Variants in KATNAL1 observed in about 807,000 individuals in gnomAD.
KATNAL1 encodes katanin p60 ATPase-containing subunit A-like 1.
A neutral mutation model predicts 55.2 loss-of-function variants in KATNAL1; 32 were observed. That is an observed-to-expected ratio of 0.58 (90% confidence interval 0.44 to 0.78). The LOEUF (loss-of-function observed/expected upper bound fraction) is 0.78, where lower values mean the gene tolerates loss of function less well. KATNAL1 is among the 30% of genes least tolerant of loss of function. The probability of loss-of-function intolerance (pLI) is 0.00; values close to 1 mark genes in which losing one functional copy is unlikely to be tolerated. For missense variants in KATNAL1, 466 were observed against 600.9 expected, an observed-to-expected ratio of 0.78 and a Z score of 2.35; for synonymous variants, 193 against 193.6, an observed-to-expected ratio of 1.00 and a Z score of 0.02.
At chr13:30,227,192 C>T (rs1250978812) in intron 9 of KATNAL1, among the ~76,000 whole-genome samples, 1 of 152,148 alleles carries the variant, frequency 6.6e-6, no homozygotes, top group Admixed American at 6.5e-5. Context: ...CTTAAAAGTG[C>T]TACCATATTT....
At chr13:30,236,454 A>T (rs532000100) in intron 6 of KATNAL1, among the ~76,000 whole-genome samples, 1 of 152,300 alleles carries the variant, frequency 6.6e-6, no homozygotes, top group African/African-American at 2.4e-5. Flanking sequence ...CCCTGTAAAC[A>T]ATCAGTCACT....
At position 30,207,814 on chromosome 13, in the gene KATNAL1, C is replaced by T. The variant is rs1481224770; in HGVS notation, c.*726G>A. On this transcript the variant is annotated 3_prime_UTR_variant, in exon 11 of 11. Coordinates refer to ENST00000380615, the MANE Select transcript of KATNAL1 (RefSeq NM_032116.5). The stretch of plus-strand genomic sequence containing the variant: ...CTTGGAAGTCTAGAATGAAGAATTA[C>T]ATCTAATGCAGTAATATTCTTCCCA... 1 of 152,202 alleles carries T rather than the reference C, an allele frequency of 6.6e-6. No homozygotes were observed. The highest frequency in any genetic ancestry group is 2.4e-5 in the African/African-American group (1 of 41,448). 9.4% of individuals were successfully genotyped at this position (152,202 alleles called of 1,614,324 possible).
chr13:30,265,628 T>G (rs1879701579), intron 3 of KATNAL1, among the ~76,000 whole-genome samples: 2 of 152,014 alleles, frequency 1.3e-5, no homozygotes, highest in Non-Finnish European at 2.9e-5. Context: ...AGTTTTTCCT[T>G]AAAGCTTTCA....
Position 30,230,590 on chromosome 13 carries a change from C to G in KATNAL1, c.890G>C (p.Arg297Thr). 1.3e-6 allele frequency: 2 copies of G among 1,590,292 alleles called. No homozygotes were observed. The highest frequency in any genetic ancestry group is 1.7e-6 in the Non-Finnish European group (2 of 1,168,036). Residue 297 changes from arginine (R) to threonine (T), a missense_variant, in exon 8 of 11, where the codon AGA becomes ACA. By Grantham distance (71) the Arg-to-Thr change is moderately conservative. Transcript: ENST00000380615. Reference sequence around the variant, plus strand: ...GAAGATCGTGGTAGGGGCATAAAATCTAGCCTTTATGAAAATATTTTAAAG... The same window carrying G: ...GAAGATCGTGGTAGGGGCATAAAATGTAGCCTTTATGAAAATATTTTAAAG... Reference protein sequence around the residue: ...KLVRLLFEMARFYAPTTIFID... With the variant: ...KLVRLLFEMATFYAPTTIFID...
chr13:30,209,260 C>T (rs1358902522), intron 10 of KATNAL1, among the ~76,000 whole-genome samples: 1 of 152,116 alleles, frequency 6.6e-6, no homozygotes, highest in East Asian at 1.9e-4. Flanking sequence ...TCTCTTGATC[C>T]CATGTGCAGC....
intron 1 of KATNAL1, among the ~76,000 whole-genome samples, chr13:30,299,242 G>C (rs1296290866): frequency 6.6e-6 from 1 of 151,936 alleles, no homozygotes; most frequent in Non-Finnish European, 1.5e-5. Context: ...ATGAATCCAG[G>C]CACCATAAAT....
At position 30,208,703 on chromosome 13, in the gene KATNAL1, T is replaced by G. The variant is rs771745647; in HGVS notation, c.1310A>C (p.Asn437Thr). The G allele has an allele frequency of 6.2e-7, 1 of 1,613,294 alleles. No homozygotes were observed. Among genetic ancestry groups the G allele is most frequent in the Non-Finnish European group, 8.5e-7 (1 of 1,179,716 alleles). ...ASLMAMRRRI[N>T]GLSPEEIRAL... ...ACGGATTTCTTCTGGACTTAAGCCA[T>G]TGATACGCCGTCTCATTGCCATTAA... is the stretch of plus-strand genomic sequence containing the variant. Residue 437 changes from asparagine (N) to threonine (T), a missense_variant, in exon 11 of 11, where the codon AAT becomes ACT. By Grantham distance (65) the Asn-to-Thr change is moderately conservative. Around this residue, in one of 3 missense-constraint regions of KATNAL1, gnomAD observed 213 missense variants for 308.6 expected, o/e 0.69. Coordinates refer to ENST00000380615, the MANE Select transcript of KATNAL1 (RefSeq NM_032116.5).
At chr13:30,282,458 C>T (rs9551884) in intron 2 of KATNAL1, among the ~76,000 whole-genome samples, 24,853 of 151,774 alleles carry the variant, frequency 0.16, 2,566 homozygotes, top group East Asian at 0.3. Flanking sequence ...GGCAACATAG[C>T]AAGACTCAGT....
In KATNAL1 at chr13:30,268,090, T is replaced by A. The variant is rs112644882; in HGVS notation, c.323+11973A>T. Among the ~76,000 whole-genome samples the A allele has an allele frequency of 1.2e-3, 180 of 152,284 alleles. 1 individual carries two copies. The highest frequency in any genetic ancestry group is 4.1e-3 in the African/African-American group (172 of 41,566). ...CCTAGATATAGTAGCAAAGGGCCCA[T>A]CCTCATGTGATTTATGACTCAATTT... On this transcript the variant is annotated intron_variant, in intron 3 of 10. Coordinates refer to ENST00000380615, the MANE Select transcript of KATNAL1 (RefSeq NM_032116.5).
chr13:30,263,397 G>A lies in KATNAL1; in HGVS notation c.324-7782C>T, dbSNP rs1375920275. Among the ~76,000 whole-genome samples the A allele has an allele frequency of 2.0e-5, 3 of 151,004 alleles. No individual in the cohort carries two copies. In the East Asian group the frequency reaches 5.9e-4, roughly 30 times the overall value. ...CAATTAGGCAGGAGAAGGAAATAAA[G>A]GGTATTCAATTAGGAAAAGAGGAAG... On this transcript the variant is annotated intron_variant, in intron 3 of 10. Coordinates refer to ENST00000380615, the MANE Select transcript of KATNAL1 (RefSeq NM_032116.5).
rs538257949 is a variant in KATNAL1, at chr13:30,268,965, G to C, written c.323+11098C>G. ...CTGACCTTACAAAGCTTACAATCTA[G>C]CAGGAATGGTAACACACACACAATA... is the stretch of plus-strand genomic sequence containing the variant. On this transcript the variant is annotated intron_variant, in intron 3 of 10. Transcript: ENST00000380615. Among the ~76,000 whole-genome samples, 6 of 152,202 alleles carry C rather than the reference G, an allele frequency of 3.9e-5. No homozygotes were observed. The East Asian group carries it at 9.6e-4, about 24-fold the overall frequency.
chr13:30,237,696 T>C lies in KATNAL1; in HGVS notation c.726+2764A>G, dbSNP rs559089785. Among the ~76,000 whole-genome samples the C allele has an allele frequency of 2.9e-4, 44 of 152,288 alleles. No homozygotes were observed. The South Asian group carries it at 8.7e-3, about 30-fold the overall frequency. On this transcript the variant is annotated intron_variant, in intron 6 of 10. Coordinates refer to ENST00000380615, the MANE Select transcript of KATNAL1 (RefSeq NM_032116.5). ...AGCCCTGTATTTCTAACTTGGTGCATTTCCACATTAATATTATACCAAAAT... is the reference window on the plus strand; with the variant it reads ...AGCCCTGTATTTCTAACTTGGTGCACTTCCACATTAATATTATACCAAAAT...
chr13:30,238,174 G>A lies in KATNAL1; in HGVS notation c.726+2286C>T, dbSNP rs185098653. 3.3e-5 allele frequency among the ~76,000 whole-genome samples: 5 copies of A among 152,240 alleles called. No individual in the cohort carries two copies. In the East Asian group the frequency reaches 9.7e-4, roughly 29 times the overall value. On this transcript the variant is annotated intron_variant, in intron 6 of 10. Coordinates refer to ENST00000380615, the MANE Select transcript of KATNAL1 (RefSeq NM_032116.5). ...TACAGAAAAAGAATCGAACTCCTGG[G>A]AAATACAATCTGGCCTCAACCTACC...
chr13:30,293,165 A>C (rs1188911653), intron 1 of KATNAL1, among the ~76,000 whole-genome samples: 1 of 151,872 alleles, frequency 6.6e-6, no homozygotes, highest in East Asian at 1.9e-4. Flanking sequence ...AATGCCTTTT[A>C]TCCAGGAATT....
chr13:30,270,128 C>T (rs1880183485), intron 3 of KATNAL1, among the ~76,000 whole-genome samples: 1 of 136,718 alleles, frequency 7.3e-6, no homozygotes, highest in Admixed American at 7.0e-5. Flanking sequence ...TGAGGGGCGC[C>T]TCTGCCCGGC....
At chr13:30,277,712 G>A (rs1190500662) in intron 3 of KATNAL1, among the ~76,000 whole-genome samples, 9 of 152,074 alleles carry the variant, frequency 5.9e-5, no homozygotes, top group African/African-American at 2.2e-4. Context: ...GGCCGGGCAC[G>A]GTGGCTCACG....
chr13:30,232,238 A>G (rs1352039979), intron 6 of KATNAL1, among the ~76,000 whole-genome samples: 2 of 152,234 alleles, frequency 1.3e-5, no homozygotes, highest in East Asian at 3.8e-4. Context: ...AGAATTTTTA[A>G]TAGAGTTTAA....
intron 1 of KATNAL1, 142 bp from the exon 2 acceptor site, chr13:30,283,933 C>T (rs922268042): frequency 8.3e-6 from 5 of 604,712 alleles, no homozygotes; most frequent in Non-Finnish European, 1.4e-5. Context: ...TGGAGTGCAG[C>T]AGCATGATCT....
At chr13:30,293,159 C>T (rs909911542) in intron 1 of KATNAL1, among the ~76,000 whole-genome samples, 6 of 151,802 alleles carry the variant, frequency 4.0e-5, no homozygotes, top group African/African-American at 1.2e-4. Context: ...CTGTGAAATG[C>T]CTTTTATCCA....
Sources: gnomAD v4.1 joint callset for allele counts (sites outside exome capture counted in the v4.1 genomes callset) on GRCh38, gnomAD v4.1.1 for gene constraint, gnomAD v4.1.1 regional missense constraint, MANE v1.5 for transcripts, NCBI Gene and HGNC (gene_info 2026-07-23, HGNC 2026-07-21) for gene names.